The following ESCO1 variants were observed in gnomAD, a reference collection of about 807,000 sequenced individuals.
ESCO1 encodes N-acetyltransferase ESCO1.
ESCO1 carries 33 observed loss-of-function variants against 83.5 expected under a neutral mutation model. That is an observed-to-expected ratio of 0.40 (90% CI 0.30 to 0.53). The LOEUF is 0.53. Ranked by LOEUF, ESCO1 falls within the 20% of genes least tolerant of loss-of-function variation. The pLI, the probability that ESCO1 is intolerant of heterozygous loss-of-function variation, is 0.63. For synonymous variants in ESCO1, 332 were observed against 324.3 expected (o/e 1.02, Z -0.25); for missense variants, 855 against 968.0 (o/e 0.88, Z 1.55).
chr18:21,583,010 G>A (rs890406878), intron 2 of ESCO1, among the ~76,000 whole-genome samples: 3 of 152,102 alleles, frequency 2.0e-5, no homozygotes, highest in Non-Finnish European at 2.9e-5. Context: ...TGGCCAACAC[G>A]GCAAAACCCC....
chr18:21,592,760 G>A (rs1391325499), intron 1 of ESCO1, among the ~76,000 whole-genome samples: 2 of 151,022 alleles, frequency 1.3e-5, no homozygotes, highest in Admixed American at 6.6e-5. Context: ...CAGACGGGGC[G>A]GCTGCCGGGC....
At chr18:21,566,267 G>T (rs2038258626) in intron 5 of ESCO1, 61 bp from the exon 6 acceptor site, 1 of 1,449,476 alleles carries the variant, frequency 6.9e-7, no homozygotes, top group Non-Finnish European at 9.5e-7. Flanking sequence ...TCCATCTAAT[G>T]GATAAAATCA....
At chr18:21,556,032 A>AT (rs2038108487) in intron 8 of ESCO1, among the ~76,000 whole-genome samples, 3 of 152,066 alleles carry the variant, frequency 2.0e-5, no homozygotes, top group South Asian at 4.1e-4. Flanking sequence ...AGGTAGGCAG[A>AT]TAGCTTGAGC....
At chr18:21,541,636 T>C (rs969322481) in intron 8 of ESCO1, among the ~76,000 whole-genome samples, 11 of 149,542 alleles carry the variant, frequency 7.4e-5, no homozygotes, top group Admixed American at 3.3e-4. Flanking sequence ...CTGAATCATA[T>C]AGAGATCTGA....
chr18:21,564,364 ACATC>A (rs765823724), intron 6 of ESCO1, 47 bp from the exon 7 acceptor site: 5 of 1,233,772 alleles, frequency 4.1e-6, no homozygotes, highest in Middle Eastern at 2.0e-4. Flanking sequence ...AAGTCATTTC[ACATC>A]ATTTGAAGGG....
intron 8 of ESCO1, among the ~76,000 whole-genome samples, chr18:21,556,134 G>A: frequency 6.6e-6 from 1 of 151,610 alleles, no homozygotes; most frequent in Non-Finnish European, 1.5e-5. Flanking sequence ...ACACAACTTA[G>A]TGCCAGATAC....
chr18:21,543,853 T>A (rs1225835419), intron 8 of ESCO1, among the ~76,000 whole-genome samples: 1 of 152,090 alleles, frequency 6.6e-6, no homozygotes, highest in Non-Finnish European at 1.5e-5. Context: ...TTCAAACAAA[T>A]AAGCAACATA....
intron 1 of ESCO1, among the ~76,000 whole-genome samples, chr18:21,587,760 G>A (rs2038602154): frequency 6.6e-6 from 1 of 151,974 alleles, no homozygotes; most frequent in Non-Finnish European, 1.5e-5. Context: ...AACACAGCAA[G>A]ACCCTATCTC....
Position 21,574,753 on chromosome 18 carries a change from A to C in ESCO1, c.91T>G (p.Ser31Ala). 6.2e-7 allele frequency: 1 copy of C among 1,608,692 alleles called. No individual in the cohort carries two copies. Among genetic ancestry groups the C allele is most frequent in the South Asian group, 1.1e-5 (1 of 90,608 alleles). Residue 31 changes from serine to alanine, a missense_variant, in exon 4 of 12, where the codon TCT becomes GCT. Transcript: ENST00000269214. The stretch of plus-strand genomic sequence containing the variant: ...GATTTTTTTGCTAGATTCTTTTGAG[A>C]ATCCTGAATTTCTGTTTCTGAATTC... ...DKNSETEIQD[S>A]QKNLAKKSGP...
chr18:21,582,706 A>G (rs1429653688), intron 2 of ESCO1, among the ~76,000 whole-genome samples: 1 of 152,262 alleles, frequency 6.6e-6, no homozygotes, highest in African/African-American at 2.4e-5. Context: ...TATAATAGAT[A>G]ACAAGATAAT....
At chr18:21,549,511 G>A (rs1474015858) in intron 8 of ESCO1, among the ~76,000 whole-genome samples, 1 of 151,976 alleles carries the variant, frequency 6.6e-6, no homozygotes, top group Non-Finnish European at 1.5e-5. Flanking sequence ...GCCTCCAGGG[G>A]TCAAGCGATT....
intron 8 of ESCO1, among the ~76,000 whole-genome samples, chr18:21,546,590 T>C (rs2037976942): frequency 6.6e-6 from 1 of 152,184 alleles, no homozygotes; most frequent in Admixed American, 6.5e-5. Context: ...TCTGTTGCCC[T>C]GGCTGGAGTG....
chr18:21,574,622 T>C lies in ESCO1; in HGVS notation c.222A>G (p.Ala74=). ...TGGATTTAGTAGCTTTATCATTAGA[T>C]GCTGCCTTTGATGACCTTGTACTCA... The part of the protein sequence containing the change: ...TRMSTRSSKA[A]SNDKATKSIN... Residue 74 remains alanine, a synonymous_variant, in exon 4 of 12, where the codon GCA becomes GCG. Coordinates refer to ENST00000269214, the MANE Select transcript of ESCO1 (RefSeq NM_052911.3). 6.2e-7 allele frequency: 1 copy of C among 1,614,060 alleles called. No individual in the cohort carries two copies. The highest frequency in any genetic ancestry group is 1.1e-5 in the South Asian group (1 of 91,084).
chr18:21,594,868 A>T (rs1390797430), intron 1 of ESCO1, among the ~76,000 whole-genome samples: 2 of 151,746 alleles, frequency 1.3e-5, no homozygotes, highest in Non-Finnish European at 2.9e-5. Context: ...AAAAGCAACA[A>T]GTATTTGTTT....
chr18:21,561,198 C>T (rs1489777168), intron 7 of ESCO1, among the ~76,000 whole-genome samples: 2 of 152,118 alleles, frequency 1.3e-5, no homozygotes, highest in Non-Finnish European at 1.5e-5. Context: ...ACCTGATCCA[C>T]GGCATATAAC....
intron 9 of ESCO1, among the ~76,000 whole-genome samples, chr18:21,538,569 T>C (rs1199291805): frequency 6.6e-6 from 1 of 152,212 alleles, no homozygotes; most frequent in Non-Finnish European, 1.5e-5. Context: ...ACAGAGTATC[T>C]AAAGTTAAGA....
In ESCO1 at chr18:21,573,516, A is replaced by G. The variant is rs752284899; in HGVS notation, c.1328T>C (p.Leu443Pro). ...VTQSTFLGTK[L>P]HDRNITCQQE... is the part of the protein sequence containing the mutation. ...CTGGCAAGTTATATTTCTATCATGT[A>G]GCTTTGTCCCTAAAAACGTACTTTG... The change falls in exon 4 of 12, where the codon CTA becomes CCA. Residue 443 changes from leucine (L) to proline (P), a missense_variant. Coordinates refer to ENST00000269214, the MANE Select transcript of ESCO1 (RefSeq NM_052911.3). 1 of 1,613,608 alleles carries G rather than the reference A, an allele frequency of 6.2e-7. No homozygotes were observed. Among genetic ancestry groups the G allele is most frequent in the Admixed American group, 1.7e-5 (1 of 59,926 alleles).
At position 21,566,167 on chromosome 18, in the gene ESCO1, G is replaced by T. The variant is rs140388909; in HGVS notation, c.1685C>A (p.Thr562Lys). 8.9e-5 allele frequency: 144 copies of T among 1,613,058 alleles called. No homozygotes were observed. Among genetic ancestry groups the T allele is most frequent in the Non-Finnish European group, 1.2e-4 (139 of 1,179,590 alleles). Residue 562 changes from threonine (T) to lysine (K), a missense_variant, in exon 6 of 12, where the codon ACA becomes AAA. Physicochemically the swap from Thr to Lys is moderately conservative, Grantham distance 78. Around this residue, in one of 2 missense-constraint regions of ESCO1, gnomAD observed 726 missense variants for 699.5 expected, o/e 1.04. Coordinates refer to ENST00000269214, the MANE Select transcript of ESCO1 (RefSeq NM_052911.3). The part of the protein sequence containing the change: ...PQQHSILSNQ[T>K]SKSSDNRETP... ...TTACCTGTTATCACTGCTTTTAGAT[G>T]TCTGGTTACTGAGAATACTATGCTG...
At chr18:21,564,461 G>A in intron 6 of ESCO1, 144 bp from the exon 7 acceptor site, 1 of 547,402 alleles carries the variant, frequency 1.8e-6, no homozygotes, top group East Asian at 3.6e-5. Context: ...CGCAATCTTG[G>A]CTCACTGCAA....
Sources: allele counts gnomAD v4.1 joint callset (sites outside exome capture counted in the v4.1 genomes callset), GRCh38; gene constraint gnomAD v4.1.1; regional missense constraint gnomAD v4.1.1; transcripts MANE v1.5; gene names NCBI Gene and HGNC (gene_info 2026-07-23, HGNC 2026-07-21).